The following FBXO25 variants were observed in gnomAD, a reference collection of about 807,000 sequenced individuals.
FBXO25 encodes the protein F-box only protein 25.
In FBXO25, 45 loss-of-function variants were observed where a neutral mutation model predicts 51.9. That is an observed-to-expected ratio of 0.87 (90% CI 0.68 to 1.11). The LOEUF is 1.11. Ranked by LOEUF, FBXO25 falls within the 50% of genes most tolerant of loss-of-function variation. The pLI is 0.00. For synonymous variants in FBXO25, 199 were observed against 151.0 expected (o/e 1.32, Z -2.33); for missense variants, 507 against 428.5 (o/e 1.18, Z -1.62).
At chr8:430,602 T>G (rs553892982) in intron 2 of FBXO25, among the ~76,000 whole-genome samples, 36 of 152,238 alleles carry the variant, frequency 2.4e-4, no homozygotes, top group Non-Finnish European at 5.0e-4. Flanking sequence ...CCACAGAGCT[T>G]CCTTCCTCAC....
intron 2 of FBXO25, among the ~76,000 whole-genome samples, chr8:418,300 T>C (rs1796931859): frequency 1.3e-5 from 2 of 151,426 alleles, no homozygotes; most frequent in Non-Finnish European, 3.0e-5. Flanking sequence ...TTCCTTTCCC[T>C]TTCCTTTCCT....
Position 458,399 on chromosome 8 carries a change from C to G in FBXO25, c.691C>G (p.Leu231Val). ...QVNNGLTLSD[L>V]PLHMLNNILY... The stretch of plus-strand genomic sequence containing the variant: ...GAACAATGGCCTCACCCTCAGTGAC[C>G]TTCCTCTGCACATGCTGAACAACAT... The change falls in exon 8 of 10, where the codon CTT becomes GTT. Residue 231 changes from leucine (L) to valine (V), a missense_variant. Coordinates refer to ENST00000350302, the MANE Select transcript of FBXO25 (RefSeq NM_183420.2). 8 of 1,613,956 alleles carry G rather than the reference C, an allele frequency of 5.0e-6. No individual in the cohort carries two copies. The highest frequency in any genetic ancestry group is 6.8e-6 in the Non-Finnish European group (8 of 1,179,936).
At chr8:410,280 ATTG>A (rs1796410549) in intron 1 of FBXO25, among the ~76,000 whole-genome samples, 1 of 152,218 alleles carries the variant, frequency 6.6e-6, no homozygotes, top group South Asian at 2.1e-4. Flanking sequence ...GTGTTTTGCT[ATTG>A]TTCTTTTTTA....
intron 6 of FBXO25, 51 bp from the exon 7 acceptor site, chr8:451,217 TA>T: frequency 6.7e-7 from 1 of 1,499,680 alleles, no homozygotes; most frequent in Non-Finnish European, 9.0e-7. Flanking sequence ...GATCTTTTTT[TA>T]AAGTGTTGCT....
At chr8:409,553 A>C (rs1796370188) in intron 1 of FBXO25, among the ~76,000 whole-genome samples, 1 of 152,184 alleles carries the variant, frequency 6.6e-6, no homozygotes, top group African/African-American at 2.4e-5. Context: ...TCTTTATGTA[A>C]ATGTTATAAA....
intron 5 of FBXO25, among the ~76,000 whole-genome samples, chr8:446,668 C>G (rs1239716175): frequency 6.6e-6 from 1 of 152,174 alleles, no homozygotes; most frequent in Non-Finnish European, 1.5e-5. Context: ...GATAAAGGAA[C>G]AGGATTGAAA....
At position 477,927 on chromosome 8, in the gene FBXO25, G is replaced by GTATC. The variant is rs1447695698; in HGVS notation, c.*9127_*9130dup. On this transcript the variant is annotated 3_prime_UTR_variant, in exon 10 of 10. Transcript: ENST00000350302. ...ACTTGCCAACCTGATTTATACTTTT[G>GTATC]TATCTATTTGACATTTTCCATTAAA... 6.6e-6 allele frequency: 1 copy of GTATC among 151,936 alleles called. No individual in the cohort carries two copies. The highest frequency in any genetic ancestry group is 2.4e-5 in the African/African-American group (1 of 41,350). The allele number at this position is 151,936 out of a possible 1,614,324, so 9.4% of individuals were successfully genotyped here.
intron 2 of FBXO25, among the ~76,000 whole-genome samples, chr8:424,790 T>C (rs1797373023): frequency 6.6e-6 from 1 of 152,116 alleles, no homozygotes; most frequent in Admixed American, 6.5e-5. Context: ...TGAAGTTGAG[T>C]AGTGTGATGC....
At chr8:423,085 C>T (rs1356096844) in intron 2 of FBXO25, among the ~76,000 whole-genome samples, 1 of 152,170 alleles carries the variant, frequency 6.6e-6, no homozygotes, top group Non-Finnish European at 1.5e-5. Context: ...AACTGAAAAG[C>T]CCCTTCCCTG....
chr8:430,185 C>T (rs1297473175), intron 2 of FBXO25, among the ~76,000 whole-genome samples: 1 of 152,144 alleles, frequency 6.6e-6, no homozygotes, highest in East Asian at 1.9e-4. Flanking sequence ...TTGTAATTTT[C>T]GTTAGAAAAA....
At chr8:465,216 T>C (rs1800074372) in intron 9 of FBXO25, among the ~76,000 whole-genome samples, 1 of 152,152 alleles carries the variant, frequency 6.6e-6, no homozygotes, top group African/African-American at 2.4e-5. Context: ...TGTAATTCCT[T>C]CTAGGACTGA....
chr8:433,395 C>G (rs904933582), intron 4 of FBXO25, among the ~76,000 whole-genome samples: 1 of 152,136 alleles, frequency 6.6e-6, no homozygotes, highest in South Asian at 2.1e-4. Context: ...TCTGTGTTAG[C>G]ATGAACCCCT....
intron 9 of FBXO25, among the ~76,000 whole-genome samples, chr8:466,828 G>A (rs1431017586): frequency 2.6e-5 from 4 of 152,142 alleles, no homozygotes; most frequent in African/African-American, 9.7e-5. Context: ...TTAAGCTCTG[G>A]AGCCAAAGAC....
At chr8:439,079 G>T (rs529496698) in intron 5 of FBXO25, among the ~76,000 whole-genome samples, 77 of 152,366 alleles carry the variant, frequency 5.1e-4, no homozygotes, top group African/African-American at 1.6e-3. Context: ...ACCCAGGACA[G>T]CTGTAAACAC....
At chr8:418,452 G>A (rs1796947661) in intron 2 of FBXO25, among the ~76,000 whole-genome samples, 1 of 142,914 alleles carries the variant, frequency 7.0e-6, no homozygotes, top group African/African-American at 2.6e-5. Flanking sequence ...CAATTCTCCT[G>A]CCTCAGCCTC....
At chr8:418,137 T>C (rs969976991) in intron 2 of FBXO25, among the ~76,000 whole-genome samples, 3 of 152,134 alleles carry the variant, frequency 2.0e-5, no homozygotes, top group Non-Finnish European at 4.4e-5. Context: ...GTGTGCCTTG[T>C]GTAGGCTGCA....
chr8:462,449 A>T (rs1799876077), intron 8 of FBXO25, among the ~76,000 whole-genome samples: 1 of 152,142 alleles, frequency 6.6e-6, no homozygotes. Context: ...ATTATTCTGG[A>T]TTGGAGTATT....
At chr8:467,877 C>T (rs1173032308) in intron 9 of FBXO25, 3 of 1,569,234 alleles carry the variant, frequency 1.9e-6, no homozygotes, top group Non-Finnish European at 2.6e-6. Flanking sequence ...TTCTCAGGAC[C>T]CTGAGCAGGG....
chr8:458,507 C>T lies in FBXO25; in HGVS notation c.799C>T (p.Gln267Ter). The T allele has an allele frequency of 1.2e-6, 2 of 1,614,156 alleles. No individual in the cohort carries two copies. The highest frequency in any genetic ancestry group is 1.7e-6 in the Non-Finnish European group (2 of 1,180,020). Residue 267 changes from glutamine to a stop codon, truncating the protein, a stop_gained, in exon 8 of 10, where the codon CAG becomes TAG. Coordinates refer to ENST00000350302, the MANE Select transcript of FBXO25 (RefSeq NM_183420.2). LOFTEE classifies it high-confidence loss of function. ...GTTGTATATGCTTAGTGAAGACAGA[C>T]AGCTGTGGAAGAAGCTTTGTCAGTA... ...PTLYMLSEDR[Q>*]LWKKLCQYHF... is the part of the protein sequence containing the mutation.
Sources: gnomAD v4.1 joint callset for allele counts (sites outside exome capture counted in the v4.1 genomes callset) on GRCh38, gnomAD v4.1.1 for gene constraint, MANE v1.5 for transcripts, NCBI Gene and HGNC (gene_info 2026-07-23, HGNC 2026-07-21) for gene names.